SLC6A12: variants seen among roughly 807,000 people sequenced by gnomAD.
SLC6A12 encodes sodium- and chloride-dependent betaine transporter.
A neutral mutation model predicts 73.3 loss-of-function variants in SLC6A12; 50 were observed. The ratio of observed to expected loss-of-function variants is 0.68; its 90% confidence interval spans 0.54 to 0.86. The LOEUF is 0.86. Ranked by LOEUF, SLC6A12 falls within the 40% of genes least tolerant of loss-of-function variation. The probability of loss-of-function intolerance (pLI) is 0.00; values close to 1 mark genes in which losing one functional copy is unlikely to be tolerated. For synonymous variants in SLC6A12, 304 were observed against 309.2 expected (o/e 0.98, Z 0.18); for missense variants, 648 against 772.8 (o/e 0.84, Z 1.92).
intron 13 of SLC6A12, 151 bp downstream of exon 13, chr12:195,074 A>C (rs1939798532): frequency 1.5e-6 from 1 of 654,472 alleles, no homozygotes; most frequent in Non-Finnish European, 2.8e-6. Flanking sequence ...GCCACGGGTA[A>C]ATTTCCCAGT....
the SLC6A12 span, among the ~76,000 whole-genome samples, chr12:184,930 CA>C: frequency 0.37 from 50,259 of 134,788 alleles, 8,523 homozygotes; most frequent in East Asian, 0.46. Flanking sequence ...GAAACTGTCT[CA>C]AAAAAAAAAA....
At chr12:184,683 G>A in the SLC6A12 span, among the ~76,000 whole-genome samples, 7 of 152,268 alleles carry the variant, frequency 4.6e-5, no homozygotes, top group African/African-American at 1.7e-4. Context: ...CCGGGAGGCG[G>A]AGCTTGCAAT....
intron 14 of SLC6A12, 111 bp from the exon 15 acceptor site, chr12:192,759 G>A (rs761369474): frequency 1.2e-5 from 12 of 1,006,256 alleles, no homozygotes; most frequent in African/African-American, 8.0e-5. Context: ...CAGCACGTCT[G>A]TAAGGTGGAA....
At chr12:186,467 G>A (rs775334138), downstream of SLC6A12, among the ~76,000 whole-genome samples, 2 of 152,356 alleles carry the variant, frequency 1.3e-5, no homozygotes, top group South Asian at 2.1e-4. Context: ...ACTGGGGTCA[G>A]GCATTTGGGG....
intron 3 of SLC6A12, among the ~76,000 whole-genome samples, chr12:207,097 G>A (rs543671378): frequency 6.6e-6 from 1 of 152,232 alleles, no homozygotes; most frequent in African/African-American, 2.4e-5. Flanking sequence ...GCGTTAGGGC[G>A]TCCTCTACCC....
At position 192,381 on chromosome 12, in the gene SLC6A12, T is replaced by G. The variant is rs1457289468; in HGVS notation, c.1701+97A>C. The G allele has an allele frequency of 4.7e-6, 5 of 1,067,316 alleles. No individual in the cohort carries two copies. The East Asian group carries it at 9.6e-5, about 20-fold the overall frequency. The allele number at this position is 1,067,316 out of a possible 1,614,324, so 66.1% of individuals were successfully genotyped here. A position where few individuals can be genotyped will look rare whatever the true frequency, so the allele number is the denominator to read the frequency against. ...TGAAGGGCTGCCCCACACTCAGAGT[T>G]TGTGTCTGCTCCCTGGCCCCAGTTG... is the stretch of plus-strand genomic sequence containing the variant. On this transcript the variant is annotated intron_variant, in intron 15 of 15. Transcript: ENST00000684302.
At chr12:201,955 C>T in intron 5 of SLC6A12, 106 bp from the exon 6 acceptor site, 1 of 899,346 alleles carries the variant, frequency 1.1e-6, no homozygotes. Flanking sequence ...CTCCTAGCCC[C>T]AAGAGCTTCT....
In SLC6A12 at chr12:201,815, G is replaced by A. The variant is rs752962783; in HGVS notation, c.525C>T (p.Ala175=). ...HCTDFLNHSG[A]GTVTPFENFT... is the part of the protein sequence containing the mutation. ...AATTCTCAAATGGGGTCACTGTGCC[G>A]GCTCCTGAGTGGTTCAGAAAGTCCG... Residue 175 remains alanine (A), a synonymous_variant, in exon 6 of 16, where the codon GCC becomes GCT. Transcript: ENST00000684302. 2.6e-5 allele frequency: 42 copies of A among 1,613,956 alleles called. No individual in the cohort carries two copies. The highest frequency in any genetic ancestry group is 1.5e-4 in the Admixed American group (9 of 59,990).
chr12:186,557 A>AGCCTT (rs1478657707), downstream of SLC6A12, among the ~76,000 whole-genome samples: 2 of 152,330 alleles, frequency 1.3e-5, no homozygotes, highest in Non-Finnish European at 2.9e-5. Flanking sequence ...TGCCACTAGA[A>AGCCTT]GCCTTGGCCA....
downstream of SLC6A12, among the ~76,000 whole-genome samples, chr12:187,601 A>G (rs1939455767): frequency 6.1e-3 from 68 of 11,222 alleles, no homozygotes; most frequent in African/African-American, 8.8e-3. Flanking sequence ...AAAAAAAAAA[A>G]AAAAAAAAAA....
intron 4 of SLC6A12, 59 bp downstream of exon 4, chr12:204,505 T>TG (rs1940516760): frequency 1.4e-5 from 21 of 1,528,174 alleles, no homozygotes; most frequent in Admixed American, 8.4e-5. Context: ...GGAGAGACCA[T>TG]GGGGGGATGC....
chr12:187,422 G>A (rs372559720), downstream of SLC6A12, among the ~76,000 whole-genome samples: 224 of 151,778 alleles, frequency 1.5e-3, no homozygotes, highest in African/African-American at 4.9e-3. Flanking sequence ...CGCGATGAGT[G>A]CTACAACTCT....
intron 5 of SLC6A12, 138 bp from the exon 6 acceptor site, chr12:201,987 G>A (rs1940294413): frequency 1.5e-6 from 1 of 654,680 alleles, no homozygotes; most frequent in African/African-American, 1.8e-5. Flanking sequence ...CACTCTCCAG[G>A]GCATCAGGAG....
At chr12:204,095 T>G (rs1940483167) in intron 4 of SLC6A12, 1 of 163,510 alleles carries the variant, frequency 6.1e-6, no homozygotes. Flanking sequence ...CTGCATGTGC[T>G]GTCCGTGAGC....
intron 9 of SLC6A12, 54 bp downstream of exon 9, chr12:197,846 C>T: frequency 1.5e-6 from 2 of 1,310,606 alleles, no homozygotes; most frequent in Admixed American, 1.7e-5. Context: ...TGCCCAGAAC[C>T]CATCCCCAGG....
intron 3 of SLC6A12, 84 bp from the exon 4 acceptor site, chr12:204,782 A>C: frequency 6.8e-7 from 1 of 1,470,044 alleles, no homozygotes; most frequent in African/African-American, 1.4e-5. Context: ...CCCCCAACAA[A>C]CCCGCCCTCC....
At position 196,119 on chromosome 12, in the gene SLC6A12, C is replaced by G; in HGVS notation, c.1326+5G>C. The G allele has an allele frequency of 6.4e-7, 1 of 1,555,348 alleles. No individual in the cohort carries two copies. The highest frequency in any genetic ancestry group is 8.7e-7 in the Non-Finnish European group (1 of 1,149,318). On this transcript the variant is annotated splice_donor_5th_base_variant and intron_variant, in intron 12 of 15. Transcript: ENST00000684302. ...CTGGCCTGCAGGCCGGCGGCCGCAGCTCACCTCGGTGACCAGGAAAAGCCC... is the reference window on the plus strand; with the variant it reads ...CTGGCCTGCAGGCCGGCGGCCGCAGGTCACCTCGGTGACCAGGAAAAGCCC...
At chr12:197,316 A>G (rs1939971417) in intron 10 of SLC6A12, 61 bp downstream of exon 10, 1 of 1,544,432 alleles carries the variant, frequency 6.5e-7, no homozygotes, top group East Asian at 2.3e-5. Flanking sequence ...TTTCAGCAAG[A>G]GAGAAGTGTG....
At chr12:184,619 G>A in the SLC6A12 span, among the ~76,000 whole-genome samples, 31 of 152,176 alleles carry the variant, frequency 2.0e-4, no homozygotes, top group East Asian at 2.1e-3. Context: ...GCGTGGTGGC[G>A]GGCGCCTGTA....
Sources: allele counts gnomAD v4.1 joint callset (sites outside exome capture counted in the v4.1 genomes callset), GRCh38; gene constraint gnomAD v4.1.1; transcripts MANE v1.5; gene names NCBI Gene and HGNC (gene_info 2026-07-23, HGNC 2026-07-21).